Variants in FAM163A observed in about 807,000 individuals in gnomAD.
FAM163A encodes family with sequence similarity 163 member A.
In FAM163A, 7 loss-of-function variants were observed where a neutral mutation model predicts 12.0. The ratio of observed to expected loss-of-function variants is 0.58; its 90% CI spans 0.33 to 1.10. The LOEUF (loss-of-function observed/expected upper bound fraction) is 1.10, where lower values mean the gene tolerates loss of function less well. Ranked by LOEUF, FAM163A falls within the 50% of genes least tolerant of loss-of-function variation. FAM163A has a pLI of 0.03. For synonymous variants in FAM163A, 101 were observed against 91.0 expected, an observed-to-expected ratio of 1.11 and a Z score of -0.62; for missense variants, 202 against 218.6, an observed-to-expected ratio of 0.92 and a Z score of 0.48.
intron 1 of FAM163A, among the ~76,000 whole-genome samples, chr1:179,781,048 T>C (rs533722528): frequency 3.3e-5 from 5 of 152,174 alleles, no homozygotes; most frequent in African/African-American, 1.2e-4. Context: ...ATGAAAACCG[T>C]AGAGACGAGG....
At chr1:179,804,949 C>T (rs1693714894) in intron 1 of FAM163A, among the ~76,000 whole-genome samples, 1 of 152,162 alleles carries the variant, frequency 6.6e-6, no homozygotes, top group Non-Finnish European at 1.5e-5. Flanking sequence ...TATCCCCAAA[C>T]CTAAAATAAA....
intron 1 of FAM163A, among the ~76,000 whole-genome samples, chr1:179,778,449 A>C (rs980531694): frequency 6.6e-6 from 1 of 152,206 alleles, no homozygotes; most frequent in African/African-American, 2.4e-5. Context: ...AGCCACTAGG[A>C]ATTCCAGAGG....
intron 1 of FAM163A, among the ~76,000 whole-genome samples, chr1:179,751,438 C>T (rs936075827): frequency 6.6e-6 from 1 of 152,148 alleles, no homozygotes; most frequent in African/African-American, 2.4e-5. Flanking sequence ...AAGATGAGGA[C>T]CTAAAAAGGT....
intron 1 of FAM163A, among the ~76,000 whole-genome samples, chr1:179,752,613 A>C (rs1031622545): frequency 6.6e-6 from 1 of 152,204 alleles, no homozygotes; most frequent in African/African-American, 2.4e-5. Context: ...GCAAAACACA[A>C]GCCATTTTTA....
At chr1:179,739,958 G>C (rs1316199897), upstream of FAM163A, among the ~76,000 whole-genome samples, 2 of 152,186 alleles carry the variant, frequency 1.3e-5, no homozygotes, top group Non-Finnish European at 2.9e-5. Context: ...TATGTTCCTT[G>C]TTGGGATGTA....
At chr1:179,770,438 T>C (rs1185582118) in intron 1 of FAM163A, among the ~76,000 whole-genome samples, 6 of 152,146 alleles carry the variant, frequency 3.9e-5, no homozygotes, top group Non-Finnish European at 7.4e-5. Flanking sequence ...CTCATCCCCG[T>C]GTACTTAAAA....
At chr1:179,799,011 C>T (rs1692782128) in intron 1 of FAM163A, among the ~76,000 whole-genome samples, 1 of 152,160 alleles carries the variant, frequency 6.6e-6, no homozygotes, top group African/African-American at 2.4e-5. Flanking sequence ...CAGCCTAATG[C>T]AATGACCCTC....
chr1:179,738,466 T>TA (rs1377640186), upstream of FAM163A, among the ~76,000 whole-genome samples: 1 of 152,120 alleles, frequency 6.6e-6, no homozygotes, highest in African/African-American at 2.4e-5. Context: ...AAGCTGTGTT[T>TA]AAAAAATCTA....
intron 1 of FAM163A, among the ~76,000 whole-genome samples, chr1:179,764,210 G>C (rs1248468801): frequency 1.3e-5 from 2 of 152,212 alleles, no homozygotes; most frequent in African/African-American, 2.4e-5. Flanking sequence ...GGAAACACTA[G>C]CCAGTATTTT....
In FAM163A at chr1:179,752,292, A is replaced by G. The variant is rs138837619; in HGVS notation, c.-136+8869A>G. ...CCCAATCTTACATCATACACAAAAA[A>G]TCAATTCAAAATGGATTAAAAACTT... is the stretch of plus-strand genomic sequence containing the variant. On this transcript the variant is annotated intron_variant, in intron 1 of 4. Coordinates refer to ENST00000341785, the MANE Select transcript of FAM163A (RefSeq NM_173509.3). Among the ~76,000 whole-genome samples, 12 of 152,318 alleles carry G rather than the reference A, an allele frequency of 7.9e-5. No homozygotes were observed. In the East Asian group the frequency reaches 2.3e-3, roughly 29 times the overall value.
chr1:179,781,761 C>G (rs976317511), intron 1 of FAM163A, among the ~76,000 whole-genome samples: 4 of 151,938 alleles, frequency 2.6e-5, no homozygotes, highest in African/African-American at 9.7e-5. Flanking sequence ...TGGTGAAACC[C>G]CGTCTCTACT....
chr1:179,743,867 G>T (rs1684026636), intron 1 of FAM163A, among the ~76,000 whole-genome samples: 2 of 152,142 alleles, frequency 1.3e-5, no homozygotes, highest in Non-Finnish European at 2.9e-5. Flanking sequence ...TCACGCGGAC[G>T]CCGCTGCTGC....
intron 1 of FAM163A, among the ~76,000 whole-genome samples, chr1:179,753,294 GC>G (rs1256652412): frequency 3.3e-5 from 5 of 152,190 alleles, no homozygotes; most frequent in Non-Finnish European, 5.9e-5. Flanking sequence ...ACTGGTGATT[GC>G]CCAGGGCTAG....
At position 179,798,201 on chromosome 1, in the gene FAM163A, G is replaced by A. The variant is rs541797109; in HGVS notation, c.-135-9597G>A. Reference sequence around the variant, plus strand: ...GCTGAGATCACGCCACTGTACTCCAGCCTGGGCCAGACTCCATCTCAAAAA... The same window carrying A: ...GCTGAGATCACGCCACTGTACTCCAACCTGGGCCAGACTCCATCTCAAAAA... On this transcript the variant is annotated intron_variant, in intron 1 of 4. Coordinates refer to ENST00000341785, the MANE Select transcript of FAM163A (RefSeq NM_173509.3). Among the ~76,000 whole-genome samples, 6 of 152,200 alleles carry A rather than the reference G, an allele frequency of 3.9e-5. No homozygotes were observed. In the East Asian group the frequency reaches 1.2e-3, roughly 29 times the overall value.
the FAM163A span, among the ~76,000 whole-genome samples, chr1:179,736,924 C>T: frequency 1.3e-5 from 2 of 152,094 alleles, no homozygotes; most frequent in African/African-American, 4.8e-5. Flanking sequence ...ACAGCTGCTG[C>T]GGTAAATAAT....
intron 1 of FAM163A, among the ~76,000 whole-genome samples, chr1:179,777,086 A>G (rs534946766): frequency 6.6e-6 from 1 of 152,332 alleles, no homozygotes; most frequent in African/African-American, 2.4e-5. Context: ...ATCGGATTGT[A>G]TGAACCTCTC....
intron 1 of FAM163A, among the ~76,000 whole-genome samples, chr1:179,756,229 T>C (rs994144706): frequency 6.6e-6 from 1 of 152,078 alleles, no homozygotes; most frequent in Non-Finnish European, 1.5e-5. Context: ...GTACAGACAG[T>C]CAGGAAAGAA....
intron 1 of FAM163A, among the ~76,000 whole-genome samples, chr1:179,761,757 G>T (rs1462878582): frequency 3.3e-5 from 5 of 152,176 alleles, no homozygotes; most frequent in Non-Finnish European, 5.9e-5. Context: ...GAGGTGTTAG[G>T]ATAATCGAGT....
In FAM163A at chr1:179,814,418, C is replaced by A; in HGVS notation, c.*229C>A. 3.6e-6 allele frequency: 2 copies of A among 561,688 alleles called. No homozygotes were observed. Among genetic ancestry groups the A allele is most frequent in the Admixed American group, 3.8e-5 (1 of 26,540 alleles). The allele number at this position is 561,688 out of a possible 1,614,324, so 34.8% of individuals were successfully genotyped here. ...GAGGTGGGGGACTGCTAGGTCGAGT[C>A]TGCAGCTTCGCCAGTTTCTTGGTTG... On this transcript the variant is annotated 3_prime_UTR_variant, in exon 5 of 5. Transcript: ENST00000341785.
Sources: allele counts gnomAD v4.1 joint callset (sites outside exome capture counted in the v4.1 genomes callset), GRCh38; gene constraint gnomAD v4.1.1; transcripts MANE v1.5; gene names NCBI Gene and HGNC (gene_info 2026-07-23, HGNC 2026-07-21).